Variants in ALMS1 observed in about 807,000 individuals in gnomAD.
ALMS1 encodes the protein ALMS1 centrosome and basal body associated protein.
A neutral mutation model predicts 352.2 loss-of-function variants in ALMS1; 271 were observed. That is an observed-to-expected ratio of 0.77 (90% confidence interval 0.70 to 0.85). The LOEUF (loss-of-function observed/expected upper bound fraction) is 0.85. Ranked by LOEUF, ALMS1 falls within the 40% of genes least tolerant of loss-of-function variation. ALMS1 has a pLI of 0.00. For synonymous variants in ALMS1, 1,865 were observed against 1,761.2 expected (o/e 1.06, Z -1.48); for missense variants, 5,445 against 4,870.7 (o/e 1.12, Z -3.51).
chr2:73,544,055 A>G (rs181684670), intron 12 of ALMS1, among the ~76,000 whole-genome samples: 33 of 152,328 alleles, frequency 2.2e-4, no homozygotes, highest in African/African-American at 7.2e-4. Context: ...TGCTATAAAG[A>G]CACATGCACA....
intron 5 of ALMS1, among the ~76,000 whole-genome samples, 162 bp from the exon 6 acceptor site, chr2:73,426,291 A>G (rs1350295532): frequency 1.3e-5 from 2 of 152,230 alleles, no homozygotes; most frequent in Admixed American, 6.5e-5. Context: ...ATGCAAAGTC[A>G]CAAGGTGCTT....
At chr2:73,517,018 TCTATTACTCTGACTCAGC>T (rs1431417765) in intron 10 of ALMS1, among the ~76,000 whole-genome samples, 1 of 152,004 alleles carries the variant, frequency 6.6e-6, no homozygotes, top group Non-Finnish European at 1.5e-5. Flanking sequence ...GAGATTTCAG[TCTATTACTCTGACTCAGC>T]CCCCAGCCTC....
intron 1 of ALMS1, among the ~76,000 whole-genome samples, chr2:73,402,964 A>AT (rs1295237784): frequency 3.3e-5 from 5 of 152,054 alleles, no homozygotes; most frequent in Non-Finnish European, 7.4e-5. Flanking sequence ...GTTTGCAGAT[A>AT]TTTTCTCATC....
intron 10 of ALMS1, among the ~76,000 whole-genome samples, chr2:73,499,478 A>G (rs58603761): frequency 0.39 from 58,749 of 152,008 alleles, 15,880 homozygotes; most frequent in African/African-American, 0.77. Flanking sequence ...TAGTTTCATG[A>G]TTTGAGGTCT....
rs776573127 is a variant in ALMS1, at chr2:73,450,997, T to C, written c.4470T>C (p.Phe1490=). The change falls in exon 8 of 23, where the codon TTT becomes TTC. Residue 1490 remains phenylalanine, a synonymous_variant. Coordinates refer to ENST00000613296, the MANE Select transcript of ALMS1 (RefSeq NM_001378454.1). ...EKPIVIYKQA[F]PEGHLPEESL... Reference sequence around the variant, plus strand: ...CCATTGTTATCTACAAACAGGCCTTTCCAGAGGGTCATCTACCTGAAGAGT... The same window carrying C: ...CCATTGTTATCTACAAACAGGCCTTCCCAGAGGGTCATCTACCTGAAGAGT... 6.8e-6 allele frequency: 11 copies of C among 1,612,730 alleles called. No individual in the cohort carries two copies. The highest frequency in any genetic ancestry group is 9.3e-6 in the Non-Finnish European group (11 of 1,179,634).
At chr2:73,524,914 A>G (rs1433717333) in intron 11 of ALMS1, among the ~76,000 whole-genome samples, 1 of 152,174 alleles carries the variant, frequency 6.6e-6, no homozygotes, top group African/African-American at 2.4e-5. Context: ...TCTGGTAGCC[A>G]TCTTTCTCTC....
intron 2 of ALMS1, among the ~76,000 whole-genome samples, chr2:73,410,665 G>C (rs950257680): frequency 6.6e-6 from 1 of 152,180 alleles, no homozygotes; most frequent in Admixed American, 6.5e-5. Context: ...GTCCCTGAAA[G>C]GGTGTCAGTG....
intron 14 of ALMS1, among the ~76,000 whole-genome samples, chr2:73,558,514 T>G (rs1045618286): frequency 6.6e-6 from 1 of 152,240 alleles, no homozygotes; most frequent in African/African-American, 2.4e-5. Flanking sequence ...GAGTCCACTC[T>G]CAAACAACTT....
At position 73,450,152 on chromosome 2, in the gene ALMS1, A is replaced by G; in HGVS notation, c.3625A>G (p.Ser1209Gly). The change falls in exon 8 of 23, where the codon AGT (serine) becomes GGT (glycine). Residue 1209 changes from serine (S) to glycine (G), a missense_variant. Ser to Gly is a moderately conservative substitution (Grantham distance 56, BLOSUM62 0). Transcript: ENST00000613296. ...TTTCTATCAACAGACCTTGCCAGGT[A>G]GTCACATACCTGAAGAGGCACAGAA... ...GIFYQQTLPG[S>G]HIPEEAQKVS... 6.2e-7 allele frequency: 1 copy of G among 1,614,112 alleles called. No homozygotes were observed. Among genetic ancestry groups the G allele is most frequent in the African/African-American group, 1.3e-5 (1 of 75,030 alleles).
intron 8 of ALMS1, chr2:73,454,412 C>T (rs879322875): frequency 7.7e-5 from 74 of 966,614 alleles, no homozygotes; most frequent in Non-Finnish European, 8.0e-5. Flanking sequence ...AAAGCTATCA[C>T]GTTTCTCTAA....
chr2:73,492,544 A>G (rs1237922379), intron 10 of ALMS1, among the ~76,000 whole-genome samples: 1 of 152,200 alleles, frequency 6.6e-6, no homozygotes, highest in Admixed American at 6.5e-5. Context: ...CCTAATTCCA[A>G]CACTTCCAAC....
chr2:73,551,164 G>A (rs1344534469), intron 13 of ALMS1, among the ~76,000 whole-genome samples: 2 of 151,990 alleles, frequency 1.3e-5, no homozygotes, highest in Non-Finnish European at 2.9e-5. Context: ...CAGCCCCCAT[G>A]TTGTTTTAAA....
Position 73,451,925 on chromosome 2 carries a change from A to G in ALMS1, c.5398A>G (p.Thr1800Ala), listed in dbSNP as rs1671950630. 4 of 1,614,002 alleles carry G rather than the reference A, an allele frequency of 2.5e-6. No homozygotes were observed. The highest frequency in any genetic ancestry group is 2.7e-5 in the African/African-American group (2 of 74,964). ...AGCTGACCAGAAGACTGGGGTATCA[A>G]CAGTAACCTCTACTTCCTACTCACA... Reference protein sequence around the residue: ...GPADQKTGVSTVTSTSYSHRE... With the variant: ...GPADQKTGVSAVTSTSYSHRE... The change falls in exon 8 of 23, where the codon ACA (threonine) becomes GCA (alanine). Residue 1800 changes from threonine to alanine, a missense_variant. By Grantham distance (58) the Thr-to-Ala change is moderately conservative. Coordinates refer to ENST00000613296, the MANE Select transcript of ALMS1 (RefSeq NM_001378454.1).
chr2:73,452,641 T>A lies in ALMS1; in HGVS notation c.6114T>A (p.Thr2038=). 1.2e-6 allele frequency: 2 copies of A among 1,613,980 alleles called. No homozygotes were observed. The highest frequency in any genetic ancestry group is 1.7e-6 in the Non-Finnish European group (2 of 1,179,986). ...TGATTGGACCAAATGACCAGAAGAC[T>A]CCATCCCAGACAGCTTTTCATAGTT... ...STVIGPNDQK[T]PSQTAFHSSY... The change falls in exon 8 of 23, where the codon ACT becomes ACA. Residue 2038 remains threonine (T), a synonymous_variant. Coordinates refer to ENST00000613296, the MANE Select transcript of ALMS1 (RefSeq NM_001378454.1).
At chr2:73,433,741 G>A (rs1243499389) in intron 7 of ALMS1, among the ~76,000 whole-genome samples, 2 of 152,060 alleles carry the variant, frequency 1.3e-5, no homozygotes, top group African/African-American at 4.8e-5. Flanking sequence ...GAAACTACCT[G>A]GGCTGTTCTT....
intron 15 of ALMS1, among the ~76,000 whole-genome samples, chr2:73,560,682 G>T (rs1036502301): frequency 3.3e-5 from 5 of 152,076 alleles, no homozygotes; most frequent in African/African-American, 1.2e-4. Flanking sequence ...AAGAAAATGG[G>T]AATTATTTGT....
intron 19 of ALMS1, 133 bp downstream of exon 19, chr2:73,601,569 A>C: frequency 7.2e-7 from 1 of 1,382,832 alleles, no homozygotes; most frequent in Admixed American, 2.0e-5. Flanking sequence ...TCCGCAGTTC[A>C]CCTGTTTTCA....
intron 16 of ALMS1, among the ~76,000 whole-genome samples, chr2:73,587,492 G>A (rs1039538397): frequency 6.6e-6 from 1 of 152,144 alleles, no homozygotes; most frequent in African/African-American, 2.4e-5. Flanking sequence ...ATAAAGTGAT[G>A]CTGAATTTTG....
intron 15 of ALMS1, among the ~76,000 whole-genome samples, chr2:73,566,574 A>G (rs1028927733): frequency 1.3e-5 from 2 of 152,236 alleles, no homozygotes; most frequent in African/African-American, 4.8e-5. Context: ...ATGGTTGACT[A>G]TGGGTAAATG....
Sources: allele counts gnomAD v4.1 joint callset (sites outside exome capture counted in the v4.1 genomes callset), GRCh38; gene constraint gnomAD v4.1.1; transcripts MANE v1.5; gene names NCBI Gene and HGNC (gene_info 2026-07-23, HGNC 2026-07-21).